Variants in COL12A1 observed in about 807,000 individuals in gnomAD.
The protein encoded by COL12A1 is collagen alpha-1(XII) chain.
In COL12A1, 114 loss-of-function variants were observed where a neutral mutation model predicts 349.7. That is an observed-to-expected ratio of 0.33 (90% CI 0.28 to 0.38). COL12A1 has a LOEUF of 0.38. COL12A1 is among the 10% of genes least tolerant of loss of function. COL12A1 has a pLI of 1.00. For missense variants in COL12A1, 3,284 were observed against 3,756.9 expected (o/e 0.87, Z 3.29); for synonymous variants, 1,369 against 1,329.0 (o/e 1.03, Z -0.66).
At chr6:75,122,335 G>C (rs1765780346) in intron 43 of COL12A1, among the ~76,000 whole-genome samples, 1 of 152,158 alleles carries the variant, frequency 6.6e-6, no homozygotes, top group South Asian at 2.1e-4. Context: ...ACTTTGGGTG[G>C]TGATGATGTG....
At chr6:75,191,620 T>C (rs999226976) in intron 5 of COL12A1, 81 bp downstream of exon 5, 6 of 836,498 alleles carry the variant, frequency 7.2e-6, no homozygotes, top group Admixed American at 5.2e-5. Flanking sequence ...GATCAATCTA[T>C]GTATATAATT....
At chr6:75,204,551 T>C (rs1770679374) in intron 1 of COL12A1, among the ~76,000 whole-genome samples, 1 of 152,194 alleles carries the variant, frequency 6.6e-6, no homozygotes, top group Non-Finnish European at 1.5e-5. Flanking sequence ...AAAACATTCA[T>C]TTGAATGCTT....
Position 75,090,060 on chromosome 6 carries a change from C to T in COL12A1, c.8941+50G>A, listed in dbSNP as rs1767681574. 6 of 1,598,812 alleles carry T rather than the reference C, an allele frequency of 3.8e-6. No homozygotes were observed. The African/African-American group carries it at 5.4e-5, about 14-fold the overall frequency. On this transcript the variant is annotated intron_variant, in intron 63 of 65. Transcript: ENST00000322507. This position sits in a 1 kb window ranked among gnomAD's most constrained non-coding sequence, Gnocchi z 4.1. ...TGCCTTCAACCTGTCCCAACTCCTA[C>T]ATTTGCAAATTCCTTCCTTTATCCC...
At position 75,108,775 on chromosome 6, in the gene COL12A1, A is replaced by G. The variant is rs75381017; in HGVS notation, c.8100+243T>C. On this transcript the variant is annotated intron_variant, in intron 52 of 65. Transcript: ENST00000322507. ...TTTGATCCTGTTTCAAAATGACTAC[A>G]TGGTGTTCCCTGGTGCCTTGACATC... 2.3e-3 allele frequency among the ~76,000 whole-genome samples: 351 copies of G among 152,314 alleles called. 1 individual carries two copies. The highest frequency in any genetic ancestry group is 8.1e-3 in the African/African-American group (337 of 41,592).
intron 14 of COL12A1, among the ~76,000 whole-genome samples, chr6:75,157,761 G>A (rs867189348): frequency 5.3e-5 from 8 of 152,128 alleles, no homozygotes; most frequent in Non-Finnish European, 8.8e-5. Context: ...GTGCACATGT[G>A]TAAGAAAACC....
At chr6:75,133,024 A>G (rs1766387005) in intron 34 of COL12A1, among the ~76,000 whole-genome samples, 1 of 152,248 alleles carries the variant, frequency 6.6e-6, no homozygotes, top group Non-Finnish European at 1.5e-5. Context: ...AATTTTTGTC[A>G]GTGAAAGAGA....
Position 75,095,095 on chromosome 6 carries a change from G to T in COL12A1, c.8649+13C>A. On this transcript the variant is annotated intron_variant, in intron 60 of 65. Coordinates refer to ENST00000322507, the MANE Select transcript of COL12A1 (RefSeq NM_004370.6). Reference sequence around the variant, plus strand: ...GAAACCACTGTCAGTAGACATGCAAGCTGTCCGCTTACTGGTCTGCCATGA... The same window carrying T: ...GAAACCACTGTCAGTAGACATGCAATCTGTCCGCTTACTGGTCTGCCATGA... 1 of 1,612,940 alleles carries T rather than the reference G, an allele frequency of 6.2e-7. No individual in the cohort carries two copies. The highest frequency in any genetic ancestry group is 8.5e-7 in the Non-Finnish European group (1 of 1,179,300).
chr6:75,202,378 G>A (rs1338552439), intron 2 of COL12A1, among the ~76,000 whole-genome samples: 2 of 152,240 alleles, frequency 1.3e-5, no homozygotes, highest in Non-Finnish European at 2.9e-5. Context: ...GAGGTGTCCT[G>A]TTGGTTGCGC....
In COL12A1 at chr6:75,184,532, T is replaced by C. The variant is rs1292218154; in HGVS notation, c.998-388A>G. Among the ~76,000 whole-genome samples the C allele has an allele frequency of 6.6e-5, 10 of 152,338 alleles. No individual in the cohort carries two copies. The South Asian group carries it at 1.9e-3, about 28-fold the overall frequency. ...TAAATCAATGCTTCATTCAATTCTT[T>C]AGGGAATTTTTCTCTCTTAATAACA... On this transcript the variant is annotated intron_variant, in intron 8 of 65. Transcript: ENST00000322507.
chr6:75,158,102 A>T (rs996716325), intron 14 of COL12A1, among the ~76,000 whole-genome samples: 2 of 152,148 alleles, frequency 1.3e-5, no homozygotes, highest in Non-Finnish European at 1.5e-5. Flanking sequence ...AAGTTACAAG[A>T]CATGCCAAAA....
Position 75,085,236 on chromosome 6 carries a change from G to A in COL12A1, c.*1311C>T, listed in dbSNP as rs950763015. 1.3e-5 allele frequency: 6 copies of A among 470,170 alleles called. No individual in the cohort carries two copies. Among genetic ancestry groups the A allele is most frequent in the Middle Eastern group, 3.5e-4 (1 of 2,898 alleles). 29.1% of individuals were successfully genotyped at this position (470,170 alleles called of 1,614,324 possible). A position where few individuals can be genotyped will look rare whatever the true frequency, so the allele number is the denominator to read the frequency against. On this transcript the variant is annotated 3_prime_UTR_variant, in exon 66 of 66. Transcript: ENST00000322507. ...CAGGGCGCGCCGCCAGCGCCGGTGG[G>A]GCTCAGGAGGCTCCTCTGCAGGCTC...
In COL12A1 at chr6:75,105,311, T is replaced by C; in HGVS notation, c.8179-19A>G. 1.3e-6 allele frequency: 2 copies of C among 1,595,938 alleles called. No individual in the cohort carries two copies. Among genetic ancestry groups the C allele is most frequent in the Non-Finnish European group, 1.7e-6 (2 of 1,165,686 alleles). On this transcript the variant is annotated intron_variant, in intron 53 of 65. Transcript: ENST00000322507. ...CATCTCTCTGAAATTTTGAAAAGAA[T>C]ATTTACCTTTAAATTTAGAGGAAAA...
At chr6:75,122,460 T>C (rs1582084891) in intron 43 of COL12A1, among the ~76,000 whole-genome samples, 2 of 152,118 alleles carry the variant, frequency 1.3e-5, no homozygotes, top group Non-Finnish European at 2.9e-5. Flanking sequence ...GAAAAATCTC[T>C]GCATCATCCC....
chr6:75,085,242 G>A lies in COL12A1; in HGVS notation c.*1305C>T, dbSNP rs1369199764. ...GCGCCGCCAGCGCCGGTGGGGCTCA[G>A]GAGGCTCCTCTGCAGGCTCGTCTGC... On this transcript the variant is annotated 3_prime_UTR_variant, in exon 66 of 66. Coordinates refer to ENST00000322507, the MANE Select transcript of COL12A1 (RefSeq NM_004370.6). 1 of 470,622 alleles carries A rather than the reference G, an allele frequency of 2.1e-6. No homozygotes were observed. The highest frequency in any genetic ancestry group is 2.3e-5 in the Admixed American group (1 of 42,594). 29.2% of individuals were successfully genotyped at this position (470,622 alleles called of 1,614,324 possible). A position where few individuals can be genotyped will look rare whatever the true frequency, so the allele number is the denominator to read the frequency against.
chr6:75,143,789 G>A (rs1429244513), intron 25 of COL12A1, among the ~76,000 whole-genome samples: 1 of 151,970 alleles, frequency 6.6e-6, no homozygotes, highest in African/African-American at 2.4e-5. Context: ...CCTCAAGAAC[G>A]TGACAGAAAA....
intron 20 of COL12A1, 93 bp from the exon 21 acceptor site, chr6:75,151,380 T>C: frequency 8.4e-7 from 1 of 1,187,722 alleles, no homozygotes; most frequent in South Asian, 1.5e-5. Context: ...AATTCATGGC[T>C]GCTTTTGGCC....
At chr6:75,176,988 T>G (rs1194249391) in intron 12 of COL12A1, among the ~76,000 whole-genome samples, 1 of 152,222 alleles carries the variant, frequency 6.6e-6, no homozygotes, top group Non-Finnish European at 1.5e-5. Flanking sequence ...AACAAGTTAA[T>G]GTTTAAAAAT....
rs149037320 is a variant in COL12A1, at chr6:75,167,439, G to A, written c.2711-1660C>T. 8.0e-4 allele frequency among the ~76,000 whole-genome samples: 122 copies of A among 152,248 alleles called. 1 individual carries two copies. The highest frequency in any genetic ancestry group is 1.9e-3 in the African/African-American group (81 of 41,560). On this transcript the variant is annotated intron_variant, in intron 13 of 65. Transcript: ENST00000322507. ...TTGAATTTAAATGAGCTGCATTAAC[G>A]ACGTTTCAAAAAAGTATCAGACAAA...
At chr6:75,110,879 A>C (rs1422314153) in intron 51 of COL12A1, among the ~76,000 whole-genome samples, 1 of 151,990 alleles carries the variant, frequency 6.6e-6, no homozygotes, top group Non-Finnish European at 1.5e-5. Flanking sequence ...TCCTTGGCTC[A>C]GTAAAAAAAT....
Sources: allele counts gnomAD v4.1 joint callset (sites outside exome capture counted in the v4.1 genomes callset), GRCh38; gene constraint gnomAD v4.1.1; non-coding constraint Gnocchi (gnomAD v3.1); transcripts MANE v1.5; gene names NCBI Gene and HGNC (gene_info 2026-07-23, HGNC 2026-07-21).